Variants in PTK2 observed in about 807,000 individuals in gnomAD.
PTK2 encodes the protein protein tyrosine kinase 2, also known as focal adhesion kinase 1.
In PTK2, 45 loss-of-function variants were observed where a neutral mutation model predicts 150.1. The observed-to-expected ratio is 0.30, with a 90% CI of 0.24 to 0.38. PTK2 has a LOEUF of 0.38. Among genes scored for constraint, PTK2 ranks in the 10% least tolerant of loss-of-function variants. The pLI, the probability that PTK2 is intolerant of heterozygous loss-of-function variation, is 1.00. For synonymous variants in PTK2, 432 were observed against 449.2 expected, an observed-to-expected ratio of 0.96 and a Z score of 0.48; for missense variants, 919 against 1,307.3, an observed-to-expected ratio of 0.70 and a Z score of 4.58.
chr8:140,866,873 G>T (rs763178594), intron 4 of PTK2, among the ~76,000 whole-genome samples: 2 of 152,154 alleles, frequency 1.3e-5, no homozygotes, highest in Non-Finnish European at 2.9e-5. Flanking sequence ...AAATGATTAA[G>T]TATTATTTTT....
intron 5 of PTK2, among the ~76,000 whole-genome samples, chr8:140,851,879 A>G (rs917645521): frequency 1.3e-5 from 2 of 149,130 alleles, no homozygotes; most frequent in Non-Finnish European, 3.0e-5. Context: ...AAAAAAAGGT[A>G]GTAAATGAAT....
chr8:140,755,287 C>T (rs1565717221), intron 16 of PTK2, among the ~76,000 whole-genome samples: 2 of 152,302 alleles, frequency 1.3e-5, no homozygotes, highest in African/African-American at 4.8e-5. Context: ...ATCAGATAAA[C>T]TTCATGTTTA....
At chr8:140,742,755 T>C (rs1362936758) in intron 20 of PTK2, among the ~76,000 whole-genome samples, 1 of 152,248 alleles carries the variant, frequency 6.6e-6, no homozygotes, top group East Asian at 1.9e-4. Flanking sequence ...TTCTAGATAA[T>C]AGCTTTGTCA....
intron 1 of PTK2, among the ~76,000 whole-genome samples, chr8:140,979,937 T>C (rs1300202057): frequency 6.6e-6 from 1 of 152,214 alleles, no homozygotes; most frequent in African/African-American, 2.4e-5. Context: ...GGATATGTCT[T>C]TATCAGTAGC....
chr8:140,923,132 C>T (rs1358548270), intron 2 of PTK2, among the ~76,000 whole-genome samples: 8 of 152,184 alleles, frequency 5.3e-5, no homozygotes, highest in Non-Finnish European at 8.8e-5. Context: ...CAAATATCAT[C>T]TCCTAATGTG....
At chr8:140,915,929 AAAC>A (rs2100165087) in intron 2 of PTK2, among the ~76,000 whole-genome samples, 1 of 151,760 alleles carries the variant, frequency 6.6e-6, no homozygotes, top group South Asian at 2.1e-4. Flanking sequence ...ACAAACAAAC[AAAC>A]AAGAAACCTA....
intron 5 of PTK2, among the ~76,000 whole-genome samples, chr8:140,853,404 T>C (rs971468341): frequency 2.2e-5 from 3 of 135,100 alleles, no homozygotes; most frequent in Non-Finnish European, 4.6e-5. Flanking sequence ...AGTGTTCTCA[T>C]TGTTCAATTC....
chr8:140,729,612 TACTC>T (rs1381291350), intron 22 of PTK2, among the ~76,000 whole-genome samples: 1 of 152,254 alleles, frequency 6.6e-6, no homozygotes, highest in Non-Finnish European at 1.5e-5. Flanking sequence ...CTTTGGTTGA[TACTC>T]AAACAATGTA....
intron 1 of PTK2, among the ~76,000 whole-genome samples, chr8:140,941,442 T>C (rs2100175715): frequency 6.6e-6 from 1 of 152,194 alleles, no homozygotes; most frequent in South Asian, 2.1e-4. Context: ...AAAAGCAACT[T>C]AGGAAGCCCT....
At chr8:140,851,972 C>T (rs527774274) in intron 5 of PTK2, among the ~76,000 whole-genome samples, 38 of 152,134 alleles carry the variant, frequency 2.5e-4, no homozygotes, top group African/African-American at 9.2e-4. Flanking sequence ...GGAGCACATG[C>T]ACACATACAT....
rs922953076 is a variant in PTK2 at position 140,875,966 on chromosome 8, A to G, written c.362+3505T>C. On this transcript the variant is annotated intron_variant, in intron 4 of 31. Coordinates refer to ENST00000522684, the Ensembl canonical transcript of PTK2. ...GAATATTTATTAAATTCTTGGTGAT[A>G]ATAGCTTGTATTGTAATTGCCTTCT... 2.6e-5 allele frequency among the ~76,000 whole-genome samples: 4 copies of G among 152,234 alleles called. No homozygotes were observed. The East Asian group carries it at 7.7e-4, about 29-fold the overall frequency.
chr8:140,765,997 A>G (rs191487924), intron 14 of PTK2, among the ~76,000 whole-genome samples: 203 of 152,306 alleles, frequency 1.3e-3, no homozygotes, highest in South Asian at 4.1e-3. Context: ...CAACAGCCCT[A>G]GCACCCTCAC....
intron 1 of PTK2, among the ~76,000 whole-genome samples, chr8:140,946,208 T>G (rs1189956680): frequency 1.3e-5 from 2 of 152,060 alleles, no homozygotes; most frequent in African/African-American, 2.4e-5. Flanking sequence ...CCTAAGAATA[T>G]TAAGCAAACA....
At chr8:140,935,702 C>CTTTTTTTTTTTTTTTTTTTTT in intron 1 of PTK2, among the ~76,000 whole-genome samples, 1 of 123,860 alleles carries the variant, frequency 8.1e-6, no homozygotes, top group Non-Finnish European at 1.6e-5. Flanking sequence ...ATGTCCTCAT[C>CTTTTTTTTTTTTTTTTTTTTT]TTTTTTTTTT....
At chr8:140,697,874 T>G (rs989287813) in intron 26 of PTK2, among the ~76,000 whole-genome samples, 1 of 140,922 alleles carries the variant, frequency 7.1e-6, no homozygotes, top group African/African-American at 2.7e-5. Context: ...TTTTTTTTTT[T>G]TTTTTTTGCC....
intron 4 of PTK2, among the ~76,000 whole-genome samples, chr8:140,871,789 G>A (rs940340472): frequency 4.6e-5 from 7 of 152,106 alleles, no homozygotes; most frequent in South Asian, 2.1e-4. Context: ...TAAGAAAGGA[G>A]GACTACTTGA....
intron 1 of PTK2, among the ~76,000 whole-genome samples, chr8:140,975,494 C>A (rs1047177054): frequency 1.6e-4 from 24 of 152,308 alleles, no homozygotes; most frequent in South Asian, 1.2e-3. Context: ...CACTTCCCAT[C>A]TTCCGCTGAA....
chr8:140,923,374 A>C (rs1303849296), intron 2 of PTK2, among the ~76,000 whole-genome samples: 1 of 152,210 alleles, frequency 6.6e-6, no homozygotes, highest in African/African-American at 2.4e-5. Flanking sequence ...CATTTAACCC[A>C]TAACACAATC....
intron 1 of PTK2, among the ~76,000 whole-genome samples, chr8:140,946,404 A>G (rs2100177714): frequency 6.6e-6 from 1 of 152,222 alleles, no homozygotes; most frequent in South Asian, 2.1e-4. Context: ...GGGAGAGGAA[A>G]GACCACGTAA....
Sources: allele counts gnomAD v4.1 joint callset (sites outside exome capture counted in the v4.1 genomes callset), GRCh38; gene constraint gnomAD v4.1.1; transcripts MANE v1.5; gene names NCBI Gene and HGNC (gene_info 2026-07-23, HGNC 2026-07-21).